Variants in AAK1 observed in about 807,000 individuals in gnomAD.
AAK1 encodes the protein AP2 associated kinase 1.
AAK1 carries 37 observed loss-of-function variants against 116.0 expected under a neutral mutation model. That is an observed-to-expected ratio of 0.32 (90% CI 0.25 to 0.42). The LOEUF is 0.42. Among genes scored for constraint, AAK1 ranks in the 10% least tolerant of loss-of-function variants. The pLI is 1.00. For missense variants in AAK1, 919 were observed against 1,170.6 expected (o/e 0.79, Z 3.14); for synonymous variants, 458 against 439.9 (o/e 1.04, Z -0.51).
chr2:69,519,075 G>GCCTGGGCCTGAGCGGGCAGAC lies in AAK1; in HGVS notation c.1355_1375dup (p.Gly452_Gln458dup), dbSNP rs1301218154. On this transcript the variant is annotated inframe_insertion, in exon 12 of 22. Transcript: ENST00000409085. ...GAGTTGCTGCTGGTGCTGGGGTGTGGCCTGGGCCTGAGCGGGCAGACCCTG... is the reference window on the plus strand; with the variant it reads ...GAGTTGCTGCTGGTGCTGGGGTGTGGCCTGGGCCTGAGCGGGCAGACCCTGGGCCTGAGCGGGCAGACCCTG... 9.7e-6 allele frequency: 15 copies of GCCTGGGCCTGAGCGGGCAGAC among 1,551,422 alleles called. No individual in the cohort carries two copies. The African/African-American group carries it at 1.4e-4, about 14-fold the overall frequency.
chr2:69,626,020 C>A (rs930605751), intron 2 of AAK1, among the ~76,000 whole-genome samples: 67 of 152,124 alleles, frequency 4.4e-4, no homozygotes, highest in African/African-American at 1.6e-3. Flanking sequence ...TGTATCTATT[C>A]CTTCTCTCCT....
In AAK1 at chr2:69,478,925, G is replaced by A. The variant is rs377431160; in HGVS notation, c.2680+26C>T. ...TTCTTTCCCCTCTAAGGACACATGT[G>A]GGCCTGAGAAGAAGAAAGCATTTAC... On this transcript the variant is annotated intron_variant, in intron 20 of 21. Transcript: ENST00000409085. The A allele has an allele frequency of 7.2e-6, 11 of 1,537,850 alleles. No individual in the cohort carries two copies. In the East Asian group the frequency reaches 2.2e-4, roughly 31 times the overall value.
At chr2:69,484,622 CAT>C in intron 17 of AAK1, among the ~76,000 whole-genome samples, 1 of 152,224 alleles carries the variant, frequency 6.6e-6, no homozygotes, top group African/African-American at 2.4e-5. Flanking sequence ...GGGAAATCCA[CAT>C]CTCTACTTAA....
intron 2 of AAK1, among the ~76,000 whole-genome samples, chr2:69,615,837 C>T (rs1213077103): frequency 6.6e-6 from 1 of 152,214 alleles, no homozygotes; most frequent in Non-Finnish European, 1.5e-5. Flanking sequence ...ATAATTTATG[C>T]AGTGCTTTCA....
chr2:69,571,252 G>A (rs983587688), intron 2 of AAK1, among the ~76,000 whole-genome samples: 1 of 152,182 alleles, frequency 6.6e-6, no homozygotes, highest in African/African-American at 2.4e-5. Flanking sequence ...CACCTGGAGT[G>A]CATTCTCCCT....
intron 15 of AAK1, among the ~76,000 whole-genome samples, chr2:69,506,249 T>C (rs546249552): frequency 1.9e-4 from 29 of 152,336 alleles, no homozygotes; most frequent in African/African-American, 6.5e-4. Context: ...CAGTAGTCTA[T>C]AGAGGTATTT....
At chr2:69,573,022 C>A (rs758615933) in intron 2 of AAK1, among the ~76,000 whole-genome samples, 1 of 152,174 alleles carries the variant, frequency 6.6e-6, no homozygotes, top group Non-Finnish European at 1.5e-5. Flanking sequence ...CCAAATAAAA[C>A]ATAAAGAAAC....
intron 16 of AAK1, among the ~76,000 whole-genome samples, chr2:69,500,696 TATACACACACACAC>T (rs1558913661): frequency 3.0e-5 from 3 of 99,400 alleles, no homozygotes; most frequent in African/African-American, 5.2e-5. Context: ...TATATATATA[TATACACACACACAC>T]ACACACACAC....
At position 69,467,054 on chromosome 2, in the gene AAK1, G is replaced by C. The variant is rs1226926776; in HGVS notation, c.*8815C>G. The C allele has an allele frequency of 2.0e-6, 2 of 985,294 alleles. No homozygotes were observed. The highest frequency in any genetic ancestry group is 1.1e-4 in the East Asian group (1 of 8,828). The allele number at this position is 985,294 out of a possible 1,614,324, so 61.0% of individuals were successfully genotyped here. A position where few individuals can be genotyped will look rare whatever the true frequency, so the allele number is the denominator to read the frequency against. ...AGCAGAATGTGGCTGCTTGATAAAT[G>C]CAAGTTTACTTGATGACTTACATCA... On this transcript the variant is annotated 3_prime_UTR_variant, in exon 22 of 22. Transcript: ENST00000409085.
At chr2:69,485,376 T>C (rs1232697182) in intron 17 of AAK1, among the ~76,000 whole-genome samples, 1 of 152,234 alleles carries the variant, frequency 6.6e-6, no homozygotes, top group Non-Finnish European at 1.5e-5. Context: ...CCTTCTGACA[T>C]TATCTCCTCA....
At chr2:69,485,638 C>T (rs1675266380) in intron 17 of AAK1, among the ~76,000 whole-genome samples, 1 of 151,688 alleles carries the variant, frequency 6.6e-6, no homozygotes, top group African/African-American at 2.4e-5. Flanking sequence ...GTGGAAAGAA[C>T]AGGAATTGAA....
At chr2:69,496,421 G>A (rs545536769) in intron 16 of AAK1, among the ~76,000 whole-genome samples, 26 of 152,064 alleles carry the variant, frequency 1.7e-4, no homozygotes, top group African/African-American at 5.3e-4. Context: ...CTGCCACCAC[G>A]CACAGCTAAT....
chr2:69,541,786 G>C (rs527722382), intron 5 of AAK1, among the ~76,000 whole-genome samples: 3 of 152,268 alleles, frequency 2.0e-5, no homozygotes, highest in Non-Finnish European at 4.4e-5. Flanking sequence ...AGGGGATGCT[G>C]ATTCAAGTTA....
intron 13 of AAK1, among the ~76,000 whole-genome samples, chr2:69,512,041 A>G (rs1676414281): frequency 6.6e-6 from 1 of 152,192 alleles, no homozygotes; most frequent in East Asian, 1.9e-4. Context: ...TCAAGGTCAC[A>G]GGGTTAACTG....
chr2:69,618,548 C>T (rs993989939), intron 2 of AAK1, among the ~76,000 whole-genome samples: 4 of 152,168 alleles, frequency 2.6e-5, no homozygotes, highest in African/African-American at 9.7e-5. Context: ...GACTCCAAAC[C>T]ATCACTCCTC....
intron 2 of AAK1, among the ~76,000 whole-genome samples, chr2:69,582,030 AT>A (rs147533795): frequency 0.022 from 3,300 of 152,132 alleles, 50 homozygotes; most frequent in Non-Finnish European, 0.033. Context: ...TGTGAAAAAT[AT>A]TTTTTTAAAG....
chr2:69,545,534 T>C (rs911339007), intron 3 of AAK1, among the ~76,000 whole-genome samples: 2 of 152,182 alleles, frequency 1.3e-5, no homozygotes, highest in African/African-American at 4.8e-5. Flanking sequence ...GTTTGGACCG[T>C]GAGAACAGAA....
intron 2 of AAK1, among the ~76,000 whole-genome samples, chr2:69,640,638 A>G (rs565179286): frequency 3.3e-5 from 5 of 152,328 alleles, no homozygotes; most frequent in Admixed American, 3.3e-4. Context: ...TGGCTCCTAC[A>G]TATCTACATA....
chr2:69,502,666 T>G (rs1676026582), intron 16 of AAK1, among the ~76,000 whole-genome samples: 2 of 151,978 alleles, frequency 1.3e-5, no homozygotes, highest in African/African-American at 4.8e-5. Context: ...GTCTACAGTC[T>G]TTGGCCTGGG....
Sources: allele counts gnomAD v4.1 joint callset (sites outside exome capture counted in the v4.1 genomes callset), GRCh38; gene constraint gnomAD v4.1.1; transcripts MANE v1.5; gene names NCBI Gene and HGNC (gene_info 2026-07-23, HGNC 2026-07-21).